FHIT: variants seen among roughly 807,000 people sequenced by gnomAD.
FHIT encodes the protein bis(5'-adenosyl)-triphosphatase.
Under a neutral mutation model 17.9 loss-of-function variants are expected in FHIT, and 19 were observed. The ratio of observed to expected loss-of-function variants is 1.06; its 90% CI spans 0.74 to 1.56. The LOEUF (loss-of-function observed/expected upper bound fraction) is 1.56. Among genes scored for constraint, FHIT ranks in the 40% most tolerant of loss-of-function variants. The pLI, the probability that FHIT is intolerant of heterozygous loss-of-function variation, is 0.00. For missense variants in FHIT, 248 were observed against 189.2 expected, an observed-to-expected ratio of 1.31 and a Z score of -1.82; for synonymous variants, 81 against 69.7, an observed-to-expected ratio of 1.16 and a Z score of -0.81.
intron 4 of FHIT, among the ~76,000 whole-genome samples, chr3:60,622,549 G>A (rs1489561804): frequency 3.3e-5 from 5 of 152,144 alleles, no homozygotes; most frequent in Admixed American, 3.3e-4. Context: ...AAGGGAAAAG[G>A]AGCTTTTGAG....
chr3:61,235,851 T>C (rs1378751191), intron 1 of FHIT, among the ~76,000 whole-genome samples: 1 of 152,226 alleles, frequency 6.6e-6, no homozygotes, highest in Non-Finnish European at 1.5e-5. Flanking sequence ...AGCATGTGTA[T>C]TAGAGAATGT....
chr3:60,603,879 T>G (rs1553669834), intron 4 of FHIT, among the ~76,000 whole-genome samples: 1 of 152,138 alleles, frequency 6.6e-6, no homozygotes, highest in African/African-American at 2.4e-5. Flanking sequence ...TACCTAACAT[T>G]TCCTGAGCAT....
intron 8 of FHIT, among the ~76,000 whole-genome samples, chr3:59,854,478 G>C (rs1702071984): frequency 6.6e-6 from 1 of 152,264 alleles, no homozygotes; most frequent in East Asian, 1.9e-4. Context: ...TCTACCTCGT[G>C]AAGTGTCAGA....
At chr3:60,991,372 A>C (rs1298730956) in intron 3 of FHIT, among the ~76,000 whole-genome samples, 1 of 152,206 alleles carries the variant, frequency 6.6e-6, no homozygotes. Flanking sequence ...TTGCAGGCCT[A>C]ATGAAGACTT....
intron 5 of FHIT, among the ~76,000 whole-genome samples, chr3:60,089,848 T>C (rs1703656273): frequency 6.6e-6 from 1 of 152,280 alleles, no homozygotes; most frequent in South Asian, 2.1e-4. Flanking sequence ...TATTGTTGAA[T>C]TGGGGATTAA....
chr3:59,783,234 G>T (rs1702678210), intron 8 of FHIT, among the ~76,000 whole-genome samples: 1 of 152,202 alleles, frequency 6.6e-6, no homozygotes, highest in African/African-American at 2.4e-5. Flanking sequence ...ACTTTGGGAG[G>T]CCAAGGCGGG....
chr3:60,478,311 A>G (rs1028520413), intron 5 of FHIT, among the ~76,000 whole-genome samples: 8 of 152,210 alleles, frequency 5.3e-5, no homozygotes, highest in African/African-American at 1.9e-4. Flanking sequence ...CAATTGGTTA[A>G]CTAACCTGGG....
intron 4 of FHIT, among the ~76,000 whole-genome samples, chr3:60,727,023 C>T (rs1198334832): frequency 7.2e-5 from 11 of 152,022 alleles, no homozygotes; most frequent in Non-Finnish European, 1.3e-4. Flanking sequence ...AGTTTATTTC[C>T]TCCCAATACA....
intron 4 of FHIT, among the ~76,000 whole-genome samples, chr3:60,651,443 C>T (rs2039988121): frequency 6.6e-6 from 1 of 151,946 alleles, no homozygotes; most frequent in South Asian, 2.1e-4. Context: ...ATTTGGTATA[C>T]CCATTGGCCA....
chr3:59,930,599 C>CAG (rs1705922281), intron 7 of FHIT, among the ~76,000 whole-genome samples: 1 of 152,176 alleles, frequency 6.6e-6, no homozygotes, highest in African/African-American at 2.4e-5. Flanking sequence ...GTGATTCAAA[C>CAG]AGAGCAGCTC....
intron 4 of FHIT, among the ~76,000 whole-genome samples, chr3:60,585,734 A>G (rs939972830): frequency 5.3e-5 from 8 of 152,056 alleles, no homozygotes; most frequent in African/African-American, 9.7e-5. Context: ...TCTGTTCATA[A>G]GTCATAGGAC....
chr3:60,930,285 C>A (rs1266083140), intron 3 of FHIT, among the ~76,000 whole-genome samples: 1 of 152,138 alleles, frequency 6.6e-6, no homozygotes, highest in East Asian at 1.9e-4. Flanking sequence ...CTAGGCAATA[C>A]CATTTAGGAC....
chr3:60,201,373 G>C (rs213300), intron 5 of FHIT, among the ~76,000 whole-genome samples: 3 of 151,752 alleles, frequency 2.0e-5, no homozygotes, highest in Non-Finnish European at 4.4e-5. Flanking sequence ...AAGAGATGGG[G>C]TCTCACTATA....
At chr3:61,007,208 G>A (rs911840214) in intron 3 of FHIT, among the ~76,000 whole-genome samples, 3 of 152,162 alleles carry the variant, frequency 2.0e-5, no homozygotes, top group Non-Finnish European at 2.9e-5. Context: ...AATTCTCTGT[G>A]CACTGACATT....
chr3:59,918,812 A>G (rs1325936124), intron 8 of FHIT, among the ~76,000 whole-genome samples: 1 of 152,200 alleles, frequency 6.6e-6, no homozygotes, highest in Non-Finnish European at 1.5e-5. Flanking sequence ...AACTCATTAA[A>G]AAATACTTTA....
chr3:60,860,438 C>G (rs116414657), intron 3 of FHIT, among the ~76,000 whole-genome samples: 6,125 of 122,826 alleles, frequency 0.05, 728 homozygotes, highest in African/African-American at 0.14. Flanking sequence ...ACATATATAT[C>G]ATGTATATAT....
chr3:61,014,776 C>T (rs867046533), intron 3 of FHIT, among the ~76,000 whole-genome samples: 123 of 40,950 alleles, frequency 3.0e-3, no homozygotes, highest in African/African-American at 0.02. Flanking sequence ...CGAGACTCTG[C>T]CTCAAAAAAA....
chr3:60,483,817 G>T (rs2033721386), intron 5 of FHIT, among the ~76,000 whole-genome samples: 1 of 152,128 alleles, frequency 6.6e-6, no homozygotes, highest in Non-Finnish European at 1.5e-5. Context: ...AGTATTGAAA[G>T]TTCTGGCCAG....
At chr3:60,688,380 T>G (rs2040907284) in intron 4 of FHIT, among the ~76,000 whole-genome samples, 1 of 152,028 alleles carries the variant, frequency 6.6e-6, no homozygotes, top group African/African-American at 2.4e-5. Flanking sequence ...ATCCCCTTGC[T>G]GAACATCAAT....
Sources: allele counts gnomAD v4.1 joint callset (sites outside exome capture counted in the v4.1 genomes callset), GRCh38; gene constraint gnomAD v4.1.1; transcripts MANE v1.5; gene names NCBI Gene and HGNC (gene_info 2026-07-23, HGNC 2026-07-21).